The following POU2F2 variants were observed in gnomAD, a reference collection of about 807,000 sequenced individuals.
The protein encoded by POU2F2 is POU domain, class 2, transcription factor 2.
Under a neutral mutation model 63.5 loss-of-function variants are expected in POU2F2, and 14 were observed. The observed-to-expected ratio is 0.22, with a 90% CI of 0.15 to 0.34. The LOEUF (loss-of-function observed/expected upper bound fraction) is 0.34, where lower values mean the gene tolerates loss of function less well. Ranked by LOEUF, POU2F2 falls within the 10% of genes least tolerant of loss-of-function variation. The pLI is 1.00. For missense variants in POU2F2, 607 were observed against 815.2 expected (o/e 0.74, Z 3.11); for synonymous variants, 306 against 348.6 (o/e 0.88, Z 1.36).
chr19:42,175,284 T>C (rs556557889), intron 1 of POU2F2, among the ~76,000 whole-genome samples: 16 of 152,094 alleles, frequency 1.1e-4, no homozygotes, highest in Admixed American at 3.3e-4. Context: ...TAGAAATACA[T>C]GGGGTTTCAG....
At chr19:42,106,023 CTTTCTT>C (rs1458134018) in intron 5 of POU2F2, among the ~76,000 whole-genome samples, 1 of 141,684 alleles carries the variant, frequency 7.1e-6, no homozygotes, top group African/African-American at 2.7e-5. Flanking sequence ...TTCTTTCTTT[CTTTCTT>C]TCTTTCTTTC....
intron 1 of POU2F2, among the ~76,000 whole-genome samples, chr19:42,129,755 C>T (rs1421099181): frequency 5.9e-5 from 9 of 152,214 alleles, no homozygotes. Context: ...CTCCCCACCC[C>T]ACAGCTGTCC....
rs988826646 is a variant in POU2F2, at chr19:42,124,312, A to AG, written c.29-1737_29-1736insC. ...GAGTGAGACCCTGTCTCAAAAAAAA[A>AG]AAAAAAGAAAAAAAAAAAGAATGGA... On this transcript the variant is annotated intron_variant, in intron 1 of 14. Transcript: ENST00000692977. Among the ~76,000 whole-genome samples the AG allele has an allele frequency of 5.3e-5, 8 of 151,840 alleles. No individual in the cohort carries two copies. In the South Asian group the frequency reaches 1.0e-3, roughly 20 times the overall value.
chr19:42,110,166 G>C (rs549554470), intron 5 of POU2F2, among the ~76,000 whole-genome samples: 1 of 151,926 alleles, frequency 6.6e-6, no homozygotes, highest in South Asian at 2.1e-4. Context: ...GGGAGGCTGA[G>C]GTGGGAGGAT....
At chr19:42,107,785 A>G (rs1447571863) in intron 5 of POU2F2, among the ~76,000 whole-genome samples, 1 of 152,182 alleles carries the variant, frequency 6.6e-6, no homozygotes, top group African/African-American at 2.4e-5. Flanking sequence ...AAATTAAGCC[A>G]TAAGGCCTCT....
intron 2 of POU2F2, among the ~76,000 whole-genome samples, chr19:42,144,742 T>C (rs2034197022): frequency 6.6e-6 from 1 of 152,244 alleles, no homozygotes; most frequent in Non-Finnish European, 1.5e-5. Context: ...GCAGGGGCTG[T>C]TATTATCCAC....
In POU2F2 at chr19:42,153,244, C is replaced by A. The variant is rs747398311; in HGVS notation, c.-9+7088G>T. On this transcript the variant is annotated intron_variant, in intron 2 of 6. Transcript: ENST00000524801. This position sits in a 1 kb window ranked among gnomAD's most constrained non-coding sequence, Gnocchi z 5.6. ...GGGGGATTCTAGGACTGCACATACC[C>A]GAGCGTCTTGGCCCGAGTCATGTCT... is the stretch of plus-strand genomic sequence containing the variant. Among the ~76,000 whole-genome samples, 4 of 152,088 alleles carry A rather than the reference C, an allele frequency of 2.6e-5. No homozygotes were observed. The highest frequency in any genetic ancestry group is 5.9e-5 in the Non-Finnish European group (4 of 68,006).
At chr19:42,106,477 G>C (rs1460351849) in intron 5 of POU2F2, among the ~76,000 whole-genome samples, 3 of 152,162 alleles carry the variant, frequency 2.0e-5, no homozygotes, top group African/African-American at 7.2e-5. Flanking sequence ...GACTCCAAAG[G>C]GAGGGAGAAG....
At chr19:42,133,343 C>T (rs932482925), upstream of POU2F2, 2 of 152,220 alleles carry the variant, frequency 1.3e-5, no homozygotes, top group African/African-American at 4.8e-5. The surrounding 1 kb of genome is among the most constrained non-coding windows in gnomAD (Gnocchi z 5.1). Context: ...CCTCCCAACA[C>T]CTCCGCTCGC....
At position 42,090,970 on chromosome 19, in the gene POU2F2, G is replaced by GT. The variant is rs750309216; in HGVS notation, c.*286dup. Reference sequence around the variant, plus strand: ...TTTTTTGGTTTGTTTGATTTTGTGGGTTTTTTTTTTTTTTGGTTTGTTTTT... The same window carrying GT: ...TTTTTTGGTTTGTTTGATTTTGTGGGTTTTTTTTTTTTTTTGGTTTGTTTTT... On this transcript the variant is annotated 3_prime_UTR_variant, in exon 15 of 15. Coordinates refer to ENST00000692977, the MANE Select transcript of POU2F2 (RefSeq NM_001394376.1). This position sits in a 1 kb window ranked among gnomAD's most constrained non-coding sequence, Gnocchi z 4.4. The GT allele has an allele frequency of 0.028, 5,774 of 204,912 alleles. 14 individuals carry two copies. The highest frequency in any genetic ancestry group is 0.037 in the Non-Finnish European group (3,942 of 107,664). The allele number at this position is 204,912 out of a possible 1,614,324, so 12.7% of individuals were successfully genotyped here.
intron 1 of POU2F2, among the ~76,000 whole-genome samples, chr19:42,173,643 T>G (rs1188493102): frequency 6.6e-6 from 1 of 150,648 alleles, no homozygotes; most frequent in African/African-American, 2.5e-5. Context: ...TGGGTATAGG[T>G]GTGTGCATAC....
rs1161091663 is a variant in POU2F2, at chr19:42,095,638, G to A, written c.927C>T (p.Ser309=). Residue 309 remains serine, a synonymous_variant, in exon 10 of 15, where the codon AGC becomes AGT. Transcript: ENST00000692977. This position sits in a 1 kb window ranked among gnomAD's most constrained non-coding sequence, Gnocchi z 7.1. ...LPSPNQLSSP[S]LGFDGLPGRR... ...GGCCGGGCAGGCCGTCGAAACCCAGGCTGGGGCTGCTCAGCTGGTTGGGGC... is the reference window on the plus strand; with the variant it reads ...GGCCGGGCAGGCCGTCGAAACCCAGACTGGGGCTGCTCAGCTGGTTGGGGC... The A allele has an allele frequency of 6.2e-7, 1 of 1,613,050 alleles. No individual in the cohort carries two copies. Among genetic ancestry groups the A allele is most frequent in the East Asian group, 2.2e-5 (1 of 44,860 alleles).
At chr19:42,110,569 G>C (rs1022844719) in intron 5 of POU2F2, 2 of 264,084 alleles carry the variant, frequency 7.6e-6, no homozygotes, top group South Asian at 6.9e-5. Context: ...GTGTGCCTGG[G>C]GGAAGCCACT....
chr19:42,197,056 G>T (rs1429771262), upstream of POU2F2, among the ~76,000 whole-genome samples: 1 of 152,222 alleles, frequency 6.6e-6, no homozygotes, highest in African/African-American at 2.4e-5. Context: ...CAAGGGAATG[G>T]CAGGTCCTAG....
intron 2 of POU2F2, among the ~76,000 whole-genome samples, chr19:42,139,804 T>A (rs2034091810): frequency 6.6e-6 from 1 of 152,198 alleles, no homozygotes; most frequent in African/African-American, 2.4e-5. Flanking sequence ...ACGGCTCAAC[T>A]GGCCATTGAC....
chr19:42,116,886 G>GGCGGCGGCA (rs1383109174), intron 5 of POU2F2: 6 of 471,264 alleles, frequency 1.3e-5, no homozygotes, highest in Non-Finnish European at 2.5e-5. Flanking sequence ...AGGCGGCGGC[G>GGCGGCGGCA]GCGGCGGCAG....
At chr19:42,099,086 A>C (rs111860607) in intron 7 of POU2F2, among the ~76,000 whole-genome samples, 3 of 152,272 alleles carry the variant, frequency 2.0e-5, no homozygotes, top group Non-Finnish European at 2.9e-5. Context: ...CCTTGTTTTC[A>C]GTCTCCAGTC....
intron 2 of POU2F2, among the ~76,000 whole-genome samples, chr19:42,142,878 T>A (rs747646544): frequency 4.6e-5 from 7 of 152,332 alleles, no homozygotes; most frequent in Non-Finnish European, 2.9e-5. Flanking sequence ...CTCATTTTTT[T>A]AATTAAAATT....
intron 1 of POU2F2, among the ~76,000 whole-genome samples, chr19:42,165,564 T>C (rs978491202): frequency 6.6e-6 from 1 of 152,162 alleles, no homozygotes; most frequent in Non-Finnish European, 1.5e-5. Flanking sequence ...ACTCCTGAGA[T>C]AATGTGCACT....
Sources: gnomAD v4.1 joint callset for allele counts (sites outside exome capture counted in the v4.1 genomes callset) on GRCh38, gnomAD v4.1.1 for gene constraint, Gnocchi (gnomAD v3.1) non-coding constraint, MANE v1.5 for transcripts, NCBI Gene and HGNC (gene_info 2026-07-23, HGNC 2026-07-21) for gene names.